The following HK1 variants were observed in gnomAD, a reference collection of about 807,000 sequenced individuals.
HK1 encodes hexokinase-1.
A neutral mutation model predicts 91.6 loss-of-function variants in HK1; 28 were observed. That is an observed-to-expected ratio of 0.31 (90% CI 0.23 to 0.42). The LOEUF is 0.42. Ranked by LOEUF, HK1 falls within the 10% of genes least tolerant of loss-of-function variation. The pLI is 1.00. For missense variants in HK1, 770 were observed against 1,219.8 expected, an observed-to-expected ratio of 0.63 and a Z score of 5.49; for synonymous variants, 430 against 468.1, an observed-to-expected ratio of 0.92 and a Z score of 1.05.
At chr10:69,382,995 G>A (rs1043659836) in intron 10 of HK1, among the ~76,000 whole-genome samples, 1 of 151,968 alleles carries the variant, frequency 6.6e-6, no homozygotes, top group Non-Finnish European at 1.5e-5. Context: ...AATTTTCCTG[G>A]TCAGACCTCC....
At chr10:69,362,244 TAA>T (rs1180375929) in intron 3 of HK1, among the ~76,000 whole-genome samples, 1 of 152,128 alleles carries the variant, frequency 6.6e-6, no homozygotes, top group African/African-American at 2.4e-5. Flanking sequence ...TTTAAATTAT[TAA>T]AAAAATTTTT....
At chr10:69,284,630 A>G (rs1362928386) in intron 2 of HK1, among the ~76,000 whole-genome samples, 1 of 152,142 alleles carries the variant, frequency 6.6e-6, no homozygotes, top group Non-Finnish European at 1.5e-5. Context: ...CCTGGGCAGC[A>G]TAGTGAGATC....
intron 3 of HK1, among the ~76,000 whole-genome samples, chr10:69,293,416 C>A (rs904979906): frequency 2.0e-5 from 3 of 152,178 alleles, no homozygotes; most frequent in African/African-American, 7.2e-5. Flanking sequence ...TTTGGAGATA[C>A]TGGAGGAGGA....
At chr10:69,315,165 A>C (rs565860210), upstream of HK1, among the ~76,000 whole-genome samples, 22 of 152,256 alleles carry the variant, frequency 1.4e-4, no homozygotes, top group Non-Finnish European at 2.8e-4. Flanking sequence ...GGCTGTTATC[A>C]GGAGAAATGA....
chr10:69,369,350 C>G lies in HK1; in HGVS notation c.691+14C>G. ...GCCTGATCATCGGTAATGCATTCCC[C>G]TTTGCCCATCCATTTGTTCGGCCCA... On this transcript the variant is annotated intron_variant, in intron 6 of 17. Coordinates refer to ENST00000359426, the MANE Select transcript of HK1 (RefSeq NM_000188.3). This position sits in a 1 kb window ranked among gnomAD's most constrained non-coding sequence, Gnocchi z 4.4. 1 of 1,613,462 alleles carries G rather than the reference C, an allele frequency of 6.2e-7. No individual in the cohort carries two copies. Among genetic ancestry groups the G allele is most frequent in the Non-Finnish European group, 8.5e-7 (1 of 1,179,336 alleles).
rs537574048 is a variant in HK1, at chr10:69,401,246, C to G, written c.*111C>G. 1 of 1,329,690 alleles carries G rather than the reference C, an allele frequency of 7.5e-7. No individual in the cohort carries two copies. Among genetic ancestry groups the G allele is most frequent in the African/African-American group, 1.5e-5 (1 of 68,296 alleles). 82.4% of individuals were successfully genotyped at this position (1,329,690 alleles called of 1,614,324 possible). A position where few individuals can be genotyped will look rare whatever the true frequency, so the allele number is the denominator to read the frequency against. ...AGACGCTGGCGCCAGGGCCTGCCGG[C>G]GCGGGGAGGAAAGCAAAATCCAACT... On this transcript the variant is annotated 3_prime_UTR_variant, in exon 18 of 18. Transcript: ENST00000359426.
Position 69,364,798 on chromosome 10 carries a change from G to T in HK1, c.391G>T (p.Ala131Ser), listed in dbSNP as rs1416057043. The part of the protein sequence containing the change: ...GSGSQLFDHV[A>S]ECLGDFMEKR... ...TTTCCTTCAGCTTTTTGATCATGTT[G>T]CTGAGTGCCTGGGAGATTTCATGGA... is the stretch of plus-strand genomic sequence containing the variant. The change falls in exon 4 of 18, where the codon GCT (alanine) becomes TCT (serine). Residue 131 changes from alanine (A) to serine (S), a missense_variant. This residue lies in a region of HK1 where 449 missense variants were observed against 665.1 expected (regional missense o/e 0.68). Transcript: ENST00000359426. 4 of 1,614,142 alleles carry T rather than the reference G, an allele frequency of 2.5e-6. No individual in the cohort carries two copies. The highest frequency in any genetic ancestry group is 3.4e-6 in the Non-Finnish European group (4 of 1,180,012).
At chr10:69,348,113 G>T (rs117382053) in intron 2 of HK1, among the ~76,000 whole-genome samples, 4,357 of 152,108 alleles carry the variant, frequency 0.029, 81 homozygotes, top group South Asian at 0.07. Context: ...GCTTTTGGAG[G>T]CTAAATAGGA....
chr10:69,364,425 G>T (rs770376414), intron 3 of HK1, among the ~76,000 whole-genome samples: 3 of 152,144 alleles, frequency 2.0e-5, no homozygotes, highest in African/African-American at 7.2e-5. Flanking sequence ...CCTGGTGGCT[G>T]GTGGAGATCC....
intron 3 of HK1, among the ~76,000 whole-genome samples, chr10:69,293,999 C>T (rs191521582): frequency 2.0e-5 from 3 of 151,494 alleles, no homozygotes; most frequent in East Asian, 3.9e-4. Context: ...GTAGCTGGGA[C>T]TACAGGCGCC....
intron 1 of HK1, among the ~76,000 whole-genome samples, chr10:69,320,078 G>A (rs149214373): frequency 1.3e-5 from 2 of 152,128 alleles, no homozygotes; most frequent in Admixed American, 1.3e-4. Flanking sequence ...CAAGCCATAG[G>A]GTGTTCCATC....
chr10:69,320,065 C>T (rs186590225), intron 1 of HK1, among the ~76,000 whole-genome samples: 2 of 152,236 alleles, frequency 1.3e-5, no homozygotes, highest in East Asian at 1.9e-4. Context: ...ATTTTCTGCC[C>T]GGCAAGCCAT....
intron 3 of HK1, among the ~76,000 whole-genome samples, chr10:69,290,665 A>AT (rs1330076847): frequency 6.6e-6 from 1 of 151,984 alleles, no homozygotes; most frequent in Non-Finnish European, 1.5e-5. Context: ...CGCCTGGCTA[A>AT]TTTTTTGTAT....
At chr10:69,392,526 C>T (rs1383151055) in intron 15 of HK1, among the ~76,000 whole-genome samples, 1 of 152,178 alleles carries the variant, frequency 6.6e-6, no homozygotes, top group Non-Finnish European at 1.5e-5. Context: ...AGGGTTGATG[C>T]CTGTCTAGGG....
chr10:69,308,578 A>G (rs1011232167), intron 5 of HK1, among the ~76,000 whole-genome samples: 2 of 152,106 alleles, frequency 1.3e-5, no homozygotes, highest in Non-Finnish European at 2.9e-5. Context: ...TATAGATAAC[A>G]TAAACGGTTA....
intron 9 of HK1, among the ~76,000 whole-genome samples, chr10:69,381,101 G>A (rs546136676): frequency 3.9e-5 from 6 of 152,122 alleles, no homozygotes; most frequent in Admixed American, 6.5e-5. Context: ...CCAGGAGTTC[G>A]AGACCAGCCT....
At chr10:69,300,356 G>T in intron 4 of HK1, 4 of 471,288 alleles carry the variant, frequency 8.5e-6, no homozygotes, top group South Asian at 2.1e-5. Context: ...TATATCAAAA[G>T]GTTATTCCTA....
intron 7 of HK1, among the ~76,000 whole-genome samples, chr10:69,375,975 G>A (rs370835951): frequency 1.3e-5 from 2 of 152,316 alleles, no homozygotes; most frequent in South Asian, 4.1e-4. Flanking sequence ...CTGTCAGTAT[G>A]CAGAGCCCAG....
chr10:69,352,913 C>A lies in HK1; in HGVS notation c.227-6984C>A, dbSNP rs142586011. 1.5e-3 allele frequency among the ~76,000 whole-genome samples: 226 copies of A among 152,190 alleles called. 1 individual carries two copies. Among genetic ancestry groups the A allele is most frequent in the African/African-American group, 5.0e-3 (209 of 41,532 alleles). ...CTCAATAAAACTGTTATTAAAAAAACAACCAACCAATATGTGAAATAATAA... is the reference window on the plus strand; with the variant it reads ...CTCAATAAAACTGTTATTAAAAAAAAAACCAACCAATATGTGAAATAATAA... On this transcript the variant is annotated intron_variant, in intron 2 of 17. Coordinates refer to ENST00000359426, the MANE Select transcript of HK1 (RefSeq NM_000188.3).
Sources: allele counts gnomAD v4.1 joint callset (sites outside exome capture counted in the v4.1 genomes callset), GRCh38; gene constraint gnomAD v4.1.1; regional missense constraint gnomAD v4.1.1; non-coding constraint Gnocchi (gnomAD v3.1); transcripts MANE v1.5; gene names NCBI Gene and HGNC (gene_info 2026-07-23, HGNC 2026-07-21).